The following ITGB8 variants were observed in gnomAD, a reference collection of about 807,000 sequenced individuals.
ITGB8 encodes the protein integrin beta-8.
In ITGB8, 30 loss-of-function variants were observed where a neutral mutation model predicts 89.5. The ratio of observed to expected loss-of-function variants is 0.34; its 90% confidence interval spans 0.25 to 0.45. The LOEUF (loss-of-function observed/expected upper bound fraction) is 0.45. ITGB8 is among the 20% of genes least tolerant of loss of function. ITGB8 has a pLI of 1.00. For synonymous variants in ITGB8, 335 were observed against 320.4 expected (o/e 1.05, Z -0.49); for missense variants, 836 against 933.3 (o/e 0.90, Z 1.36).
At chr7:20,397,135 G>T in intron 8 of ITGB8, among the ~76,000 whole-genome samples, 1 of 151,892 alleles carries the variant, frequency 6.6e-6, no homozygotes, top group Non-Finnish European at 1.5e-5. Flanking sequence ...TTGGATTTCT[G>T]AATCCCCAAA....
At chr7:20,329,872 C>G (rs1784316618), upstream of ITGB8, 1 of 152,136 alleles carries the variant, frequency 6.6e-6, no homozygotes, top group Admixed American at 6.6e-5. Flanking sequence ...CTCGACTTAG[C>G]GTGGTAATGA....
Position 20,379,196 on chromosome 7 carries a change from A to AT in ITGB8, c.539dup (p.Ser181LeufsTer3). 1 of 1,612,422 alleles carries AT rather than the reference A, an allele frequency of 6.2e-7. No homozygotes were observed. Among genetic ancestry groups the AT allele is most frequent in the Non-Finnish European group, 8.5e-7 (1 of 1,179,198 alleles). On this transcript the variant is annotated frameshift_variant, in exon 4 of 14. Transcript: ENST00000222573. LOFTEE classifies it high-confidence loss of function. ...GAAACGATTTATCTAGAAAAATGGC[A>AT]TTTTTCTCCCGTGACTTTCGTCTTG... is the stretch of plus-strand genomic sequence containing the variant.
At position 20,410,059 on chromosome 7, in the gene ITGB8, T is replaced by C; in HGVS notation, c.*62T>C. ...TGTTAATAATTGCTCCTAAAGATTA[T>C]AATTTTAAAAGTCACAGGAGGAGAC... On this transcript the variant is annotated 3_prime_UTR_variant, in exon 14 of 14. Coordinates refer to ENST00000222573, the MANE Select transcript of ITGB8 (RefSeq NM_002214.3). The C allele has an allele frequency of 6.5e-7, 1 of 1,541,154 alleles. No homozygotes were observed. The highest frequency in any genetic ancestry group is 8.8e-7 in the Non-Finnish European group (1 of 1,134,848).
At chr7:20,402,176 C>T in intron 10 of ITGB8, 50 bp downstream of exon 10, 1 of 1,411,758 alleles carries the variant, frequency 7.1e-7, no homozygotes, top group Admixed American at 2.3e-5. Flanking sequence ...ATTACACCAG[C>T]ATAGATGTTA....
intron 1 of ITGB8, among the ~76,000 whole-genome samples, chr7:20,346,297 A>G (rs978177583): frequency 2.6e-5 from 4 of 152,178 alleles, no homozygotes; most frequent in Admixed American, 2.6e-4. Context: ...AGGGACTGGG[A>G]TATGGGCAGT....
chr7:20,408,408 A>T (rs1278977035), intron 12 of ITGB8, among the ~76,000 whole-genome samples: 3 of 151,456 alleles, frequency 2.0e-5, no homozygotes, highest in Admixed American at 6.6e-5. Flanking sequence ...AGGCTTAATT[A>T]AGTCTTCCCA....
intron 3 of ITGB8, 81 bp downstream of exon 3, chr7:20,367,267 A>G: frequency 9.5e-7 from 1 of 1,048,500 alleles, no homozygotes; most frequent in Non-Finnish European, 1.5e-6. Context: ...TTTTAATATT[A>G]TGTGGCAGGC....
At chr7:20,351,645 C>T (rs118116527) in intron 1 of ITGB8, among the ~76,000 whole-genome samples, 2,896 of 152,198 alleles carry the variant, frequency 0.019, 49 homozygotes, top group Non-Finnish European at 0.028. Context: ...TAAAGGAAAA[C>T]CAAATCCTAA....
intron 9 of ITGB8, among the ~76,000 whole-genome samples, chr7:20,401,467 A>C (rs1294242367): frequency 6.6e-6 from 1 of 152,204 alleles, no homozygotes; most frequent in African/African-American, 2.4e-5. Flanking sequence ...GCTTGCACTC[A>C]AGTCTATTTA....
At chr7:20,344,848 T>C (rs1055453385) in intron 1 of ITGB8, among the ~76,000 whole-genome samples, 1 of 152,214 alleles carries the variant, frequency 6.6e-6, no homozygotes, top group Non-Finnish European at 1.5e-5. Flanking sequence ...TCTCCTTCAG[T>C]GAATACATAC....
At chr7:20,393,214 TG>T (rs1343338453) in intron 7 of ITGB8, among the ~76,000 whole-genome samples, 2 of 152,362 alleles carry the variant, frequency 1.3e-5, no homozygotes, top group African/African-American at 4.8e-5. Context: ...CATTATTTCT[TG>T]GCAGCATTAT....
chr7:20,381,048 G>T (rs1166068604), intron 5 of ITGB8: 3 of 462,286 alleles, frequency 6.5e-6, no homozygotes, highest in Non-Finnish European at 1.1e-5. Flanking sequence ...AGACAAAAGG[G>T]AAAGAATAGG....
In ITGB8 at chr7:20,367,919, A is replaced by G. The variant is rs570711561; in HGVS notation, c.388+733A>G. On this transcript the variant is annotated intron_variant, in intron 3 of 13. Coordinates refer to ENST00000222573, the MANE Select transcript of ITGB8 (RefSeq NM_002214.3). ...GTGTAAAAACTACATGTAGTAAGAT[A>G]AATCAAGGTACACAGATGCGCACCA... Among the ~76,000 whole-genome samples the G allele has an allele frequency of 1.1e-4, 16 of 152,316 alleles. No homozygotes were observed. In the South Asian group the frequency reaches 2.7e-3, roughly 26 times the overall value.
At position 20,413,992 on chromosome 7, in the gene ITGB8, T is replaced by G. The variant is rs1787851985; in HGVS notation, c.*3995T>G. The G allele has an allele frequency of 6.6e-6, 1 of 152,154 alleles. No homozygotes were observed. The highest frequency in any genetic ancestry group is 1.9e-4 in the East Asian group (1 of 5,198). 9.4% of individuals were successfully genotyped at this position (152,154 alleles called of 1,614,324 possible). On this transcript the variant is annotated 3_prime_UTR_variant, in exon 14 of 14. Transcript: ENST00000222573. ...TTTTATAATTCCTCTATAGCAAATT[T>G]TTATGTATAACTGATTATACATATC... is the stretch of plus-strand genomic sequence containing the variant.
chr7:20,345,556 ACAGTAAGAG>A (rs1784896851), intron 1 of ITGB8, among the ~76,000 whole-genome samples: 1 of 152,132 alleles, frequency 6.6e-6, no homozygotes, highest in African/African-American at 2.4e-5. Flanking sequence ...AGCCCTCAAG[ACAGTAAGAG>A]AGTTAGCCTT....
intron 1 of ITGB8, among the ~76,000 whole-genome samples, chr7:20,333,363 A>G (rs1784473417): frequency 6.6e-6 from 1 of 152,182 alleles, no homozygotes; most frequent in African/African-American, 2.4e-5. Context: ...TATCTCTTAA[A>G]TGGAAGAAAC....
At chr7:20,409,224 C>A (rs1304864474) in intron 12 of ITGB8, among the ~76,000 whole-genome samples, 6 of 152,122 alleles carry the variant, frequency 3.9e-5, no homozygotes, top group Non-Finnish European at 8.8e-5. Context: ...TTTTAAAATC[C>A]TCTTTTCCAT....
chr7:20,374,344 G>A (rs1039191598), intron 3 of ITGB8, among the ~76,000 whole-genome samples: 30 of 152,320 alleles, frequency 2.0e-4, no homozygotes, highest in African/African-American at 7.2e-4. Context: ...AGAGGCTTCA[G>A]AGATGAAGAA....
chr7:20,410,839 TTG>T lies in ITGB8; in HGVS notation c.*845_*846del, dbSNP rs1159506868. On this transcript the variant is annotated 3_prime_UTR_variant, in exon 14 of 14. Coordinates refer to ENST00000222573, the MANE Select transcript of ITGB8 (RefSeq NM_002214.3). ...TATCATCAAAACCTGAATAGCTTCA[TTG>T]TGCACAAGTGTGGAGTTTTGTATCC... 1.6e-4 allele frequency: 24 copies of T among 152,656 alleles called. No individual in the cohort carries two copies. Among genetic ancestry groups the T allele is most frequent in the African/African-American group, 5.8e-4 (24 of 41,462 alleles). 9.5% of individuals were successfully genotyped at this position (152,656 alleles called of 1,614,324 possible).
Sources: gnomAD v4.1 joint callset for allele counts (sites outside exome capture counted in the v4.1 genomes callset) on GRCh38, gnomAD v4.1.1 for gene constraint, MANE v1.5 for transcripts, NCBI Gene and HGNC (gene_info 2026-07-23, HGNC 2026-07-21) for gene names.